The following MARK1 variants were observed in gnomAD, a reference collection of about 807,000 sequenced individuals.
MARK1 encodes microtubule affinity regulating kinase 1.
MARK1 carries 40 observed loss-of-function variants against 96.3 expected under a neutral mutation model. The ratio of observed to expected loss-of-function variants is 0.42; its 90% CI spans 0.32 to 0.54. The LOEUF (loss-of-function observed/expected upper bound fraction) is 0.54. MARK1 is among the 20% of genes least tolerant of loss of function. MARK1 has a pLI of 0.16. For missense variants in MARK1, 719 were observed against 984.6 expected, an observed-to-expected ratio of 0.73 and a Z score of 3.61; for synonymous variants, 317 against 341.2, an observed-to-expected ratio of 0.93 and a Z score of 0.78.
chr1:220,571,007 T>C (rs1385087317), intron 1 of MARK1, among the ~76,000 whole-genome samples: 7 of 152,322 alleles, frequency 4.6e-5, no homozygotes, highest in African/African-American at 1.7e-4. Context: ...TGTAAATAGG[T>C]ATGTGACTGT....
At chr1:220,543,273 C>G (rs574190039) in intron 1 of MARK1, among the ~76,000 whole-genome samples, 2 of 152,286 alleles carry the variant, frequency 1.3e-5, no homozygotes, top group East Asian at 3.9e-4. Flanking sequence ...ATCAGTCTTT[C>G]AGTTCTTTAT....
chr1:220,585,481 A>C (rs1664533489), intron 3 of MARK1, among the ~76,000 whole-genome samples: 1 of 152,240 alleles, frequency 6.6e-6, no homozygotes, highest in African/African-American at 2.4e-5. Flanking sequence ...TTTAGTGACC[A>C]AAAATCTGAC....
chr1:220,568,015 A>T (rs1214905378), intron 1 of MARK1, among the ~76,000 whole-genome samples: 1 of 152,152 alleles, frequency 6.6e-6, no homozygotes, highest in Non-Finnish European at 1.5e-5. Flanking sequence ...CTCTCATGGT[A>T]TAAAAAGTCT....
At chr1:220,565,527 A>G (rs1662986646) in intron 1 of MARK1, among the ~76,000 whole-genome samples, 1 of 151,286 alleles carries the variant, frequency 6.6e-6, no homozygotes, top group African/African-American at 2.4e-5. Flanking sequence ...GGCTGGCTAC[A>G]TGGCAAGCCC....
In MARK1 at chr1:220,620,128, A is replaced by G. The variant is rs1015931007; in HGVS notation, c.909+1373A>G. 3.3e-5 allele frequency among the ~76,000 whole-genome samples: 5 copies of G among 152,196 alleles called. No individual in the cohort carries two copies. In the East Asian group the frequency reaches 7.7e-4, roughly 23 times the overall value. On this transcript the variant is annotated intron_variant, in intron 9 of 17. Transcript: ENST00000366917. The stretch of plus-strand genomic sequence containing the variant: ...TTAAATGCTTTGTGTCAGTTAGTCA[A>G]TTATCATGATTTTTTTACCGAATTA...
At chr1:220,585,842 G>A (rs1664562282) in intron 3 of MARK1, among the ~76,000 whole-genome samples, 1 of 152,120 alleles carries the variant, frequency 6.6e-6, no homozygotes, top group South Asian at 2.1e-4. Flanking sequence ...CTATGATTGT[G>A]ACTTGGGAAT....
At chr1:220,554,508 C>G (rs189969149) in intron 1 of MARK1, among the ~76,000 whole-genome samples, 1 of 152,076 alleles carries the variant, frequency 6.6e-6, no homozygotes, top group African/African-American at 2.4e-5. Flanking sequence ...TATGTGGCCC[C>G]AAATGTCTGT....
chr1:220,583,839 T>TC (rs1393071674), intron 3 of MARK1, among the ~76,000 whole-genome samples: 2 of 124,736 alleles, frequency 1.6e-5, no homozygotes, highest in African/African-American at 5.7e-5. Flanking sequence ...TTTTTTTTTT[T>TC]GTATTTTTAG....
chr1:220,637,346 C>T (rs1445388452), intron 13 of MARK1, among the ~76,000 whole-genome samples: 1 of 152,040 alleles, frequency 6.6e-6, no homozygotes, highest in Admixed American at 6.6e-5. Flanking sequence ...CAAACACATG[C>T]CTTGTTAGGC....
In MARK1 at chr1:220,618,034, A is replaced by G. The variant is rs1482416571; in HGVS notation, c.553-276A>G. On this transcript the variant is annotated intron_variant, in intron 7 of 17. Transcript: ENST00000366917. This position sits in a 1 kb window ranked among gnomAD's most constrained non-coding sequence, Gnocchi z 4.6. ...TGAGGAAAAAAATGAGTTTAAAATA[A>G]CCTATGAAAGAAAATAGGTTTTAAA... is the stretch of plus-strand genomic sequence containing the variant. Among the ~76,000 whole-genome samples, 3 of 152,184 alleles carry G rather than the reference A, an allele frequency of 2.0e-5. No individual in the cohort carries two copies. Among genetic ancestry groups the G allele is most frequent in the Non-Finnish European group, 2.9e-5 (2 of 68,026 alleles).
intron 4 of MARK1, among the ~76,000 whole-genome samples, chr1:220,599,447 T>A (rs954078577): frequency 6.6e-6 from 1 of 152,136 alleles, no homozygotes; most frequent in African/African-American, 2.4e-5. Flanking sequence ...CATTTTTTGA[T>A]GTCTCACTGT....
chr1:220,534,009 AT>A (rs1660509718), intron 1 of MARK1, among the ~76,000 whole-genome samples: 1 of 151,756 alleles, frequency 6.6e-6, no homozygotes, highest in Non-Finnish European at 1.5e-5. Flanking sequence ...TATCTGTTGA[AT>A]TTTTTTTCAT....
intron 3 of MARK1, among the ~76,000 whole-genome samples, chr1:220,597,590 A>T (rs76624540): frequency 0.066 from 10,067 of 152,240 alleles, 397 homozygotes; most frequent in Middle Eastern, 0.15. Context: ...GATAAAATGC[A>T]TATGTCTTAA....
intron 9 of MARK1, among the ~76,000 whole-genome samples, chr1:220,623,742 C>T (rs1178141891): frequency 2.0e-5 from 3 of 152,120 alleles, no homozygotes; most frequent in South Asian, 2.1e-4. Context: ...TATTTTTTCC[C>T]GTGCTAATTA....
intron 1 of MARK1, among the ~76,000 whole-genome samples, chr1:220,558,204 G>C (rs1466274534): frequency 6.7e-6 from 1 of 149,390 alleles, no homozygotes; most frequent in African/African-American, 2.4e-5. Flanking sequence ...GGAAACATTG[G>C]AGCTAAAAAT....
At chr1:220,555,788 T>G (rs1218909613) in intron 1 of MARK1, among the ~76,000 whole-genome samples, 2 of 152,014 alleles carry the variant, frequency 1.3e-5, no homozygotes, top group African/African-American at 4.8e-5. Context: ...AGAGAGAAAG[T>G]TTGGGTGTCA....
intron 13 of MARK1, among the ~76,000 whole-genome samples, chr1:220,644,884 C>T (rs530433317): frequency 6.6e-6 from 1 of 151,852 alleles, no homozygotes; most frequent in Non-Finnish European, 1.5e-5. Context: ...ACTAATGAGA[C>T]CAAAAAGGCA....
At chr1:220,585,631 A>G (rs1234232831) in intron 3 of MARK1, among the ~76,000 whole-genome samples, 2 of 152,154 alleles carry the variant, frequency 1.3e-5, no homozygotes, top group Non-Finnish European at 2.9e-5. Flanking sequence ...GTATGTCAAA[A>G]ATCTATTTGC....
chr1:220,565,777 T>C (rs1234033476), intron 1 of MARK1, among the ~76,000 whole-genome samples: 1 of 152,170 alleles, frequency 6.6e-6, no homozygotes, highest in Non-Finnish European at 1.5e-5. Context: ...CACTTATTGT[T>C]TTTAGTTATT....
Sources: allele counts gnomAD v4.1 joint callset (sites outside exome capture counted in the v4.1 genomes callset), GRCh38; gene constraint gnomAD v4.1.1; non-coding constraint Gnocchi (gnomAD v3.1); transcripts MANE v1.5; gene names NCBI Gene and HGNC (gene_info 2026-07-23, HGNC 2026-07-21).